The following UBAC2 variants were observed in gnomAD, a reference collection of about 807,000 sequenced individuals.
The protein encoded by UBAC2 is ubiquitin-associated domain-containing protein 2.
Under a neutral mutation model 44.0 loss-of-function variants are expected in UBAC2, and 26 were observed. That is an observed-to-expected ratio of 0.59 (90% CI 0.43 to 0.82). UBAC2 has a LOEUF of 0.82. Among genes scored for constraint, UBAC2 ranks in the 40% least tolerant of loss-of-function variants. The probability of loss-of-function intolerance (pLI) is 0.00; values close to 1 mark genes in which losing one functional copy is unlikely to be tolerated. For synonymous variants in UBAC2, 155 were observed against 154.3 expected (o/e 1.00, Z -0.04); for missense variants, 329 against 419.4 (o/e 0.78, Z 1.88).
chr13:99,298,537 A>C (rs944830373), intron 4 of UBAC2, among the ~76,000 whole-genome samples: 1 of 152,206 alleles, frequency 6.6e-6, no homozygotes, highest in Non-Finnish European at 1.5e-5. Flanking sequence ...TATTTAAAAA[A>C]GGAAAGATTT....
intron 8 of UBAC2, among the ~76,000 whole-genome samples, chr13:99,374,967 G>A (rs1777345139): frequency 6.6e-6 from 1 of 152,242 alleles, no homozygotes; most frequent in Admixed American, 6.5e-5. Flanking sequence ...ATGTGCTAGA[G>A]AGTGGTATTA....
rs754484818 is a variant in UBAC2 at position 99,244,504 on chromosome 13, T to C, written c.280-11T>C. On this transcript the variant is annotated splice_polypyrimidine_tract_variant and intron_variant, in intron 3 of 8. Coordinates refer to ENST00000403766, the MANE Select transcript of UBAC2 (RefSeq NM_001144072.2). ...TCATCTCTATCATTTTTCTGCTGTTTTATTTTGTAGTCCTTTTTGCTGGGT... is the reference window on the plus strand; with the variant it reads ...TCATCTCTATCATTTTTCTGCTGTTCTATTTTGTAGTCCTTTTTGCTGGGT... 3 of 1,593,910 alleles carry C rather than the reference T, an allele frequency of 1.9e-6. No individual in the cohort carries two copies. In the African/African-American group the frequency reaches 4.0e-5, roughly 21 times the overall value.
At chr13:99,238,696 AC>A in intron 2 of UBAC2, 142 bp downstream of exon 2, 1 of 754,752 alleles carries the variant, frequency 1.3e-6, no homozygotes, top group East Asian at 3.2e-5. Flanking sequence ...TCATTAAGTA[AC>A]TTTTCTAGTT....
intron 1 of UBAC2, among the ~76,000 whole-genome samples, chr13:99,214,501 G>A (rs1394186820): frequency 6.6e-6 from 1 of 152,130 alleles, no homozygotes; most frequent in Non-Finnish European, 1.5e-5. Context: ...GTGGGGAGTA[G>A]GTGGTGGTGG....
chr13:99,243,721 A>G, intron 2 of UBAC2, 111 bp from the exon 3 acceptor site: 1 of 950,310 alleles, frequency 1.1e-6, no homozygotes, highest in Non-Finnish European at 1.6e-6. Context: ...GTGCATTATG[A>G]TTTTGTTTAG....
intron 1 of UBAC2, among the ~76,000 whole-genome samples, chr13:99,218,687 A>G (rs973393612): frequency 3.9e-5 from 6 of 152,078 alleles, no homozygotes; most frequent in African/African-American, 1.2e-4. Flanking sequence ...ATTCTCCTCA[A>G]TGCATTAGGG....
Position 99,385,303 on chromosome 13 carries a change from A to G in UBAC2, c.1003A>G (p.Asn335Asp). The change falls in exon 9 of 9, where the codon AAT becomes GAT. Residue 335 changes from asparagine (N) to aspartate (D), a missense_variant. Asn to Asp is a conservative substitution (Grantham distance 23, BLOSUM62 1). Transcript: ENST00000403766. ...CCTGAGAGCTTCAAACAATGACCTC[A>G]ATGTCGCCACCAACTTCCTGCTGCA... ...EALRASNNDL[N>D]VATNFLLQH 6.2e-7 allele frequency: 1 copy of G among 1,614,148 alleles called. No individual in the cohort carries two copies. Among genetic ancestry groups the G allele is most frequent in the Non-Finnish European group, 8.5e-7 (1 of 1,180,012 alleles).
At chr13:99,258,753 A>C (rs990633622) in intron 4 of UBAC2, among the ~76,000 whole-genome samples, 1 of 152,208 alleles carries the variant, frequency 6.6e-6, no homozygotes, top group Non-Finnish European at 1.5e-5. Context: ...ATCCAGTAGG[A>C]TTGTAGGGGC....
chr13:99,212,473 G>T (rs1308649496), intron 1 of UBAC2, among the ~76,000 whole-genome samples: 1 of 152,200 alleles, frequency 6.6e-6, no homozygotes, highest in African/African-American at 2.4e-5. Context: ...GATACAATGG[G>T]AAGAGCATGA....
chr13:99,245,685 A>G (rs1326054522), intron 4 of UBAC2, among the ~76,000 whole-genome samples: 1 of 152,216 alleles, frequency 6.6e-6, no homozygotes, highest in African/African-American at 2.4e-5. Flanking sequence ...TACTAGAAAT[A>G]CAAAAATTAG....
At position 99,332,170 on chromosome 13, in the gene UBAC2, A is replaced by G. The variant is rs144271574; in HGVS notation, c.562-8150A>G. Among the ~76,000 whole-genome samples, 636 of 152,226 alleles carry G rather than the reference A, an allele frequency of 4.2e-3. 6 individuals are homozygous for G. Among genetic ancestry groups the G allele is most frequent in the African/African-American group, 0.014 (602 of 41,522 alleles). ...TTGCCTTGTGGGTTTTTGTTCAGCC[A>G]CAGTTGGCCAAAGAAAGCAATCGAC... On this transcript the variant is annotated intron_variant, in intron 6 of 8. Coordinates refer to ENST00000403766, the MANE Select transcript of UBAC2 (RefSeq NM_001144072.2).
Position 99,247,552 on chromosome 13 carries a change from C to T in UBAC2, c.389+2928C>T, listed in dbSNP as rs191237878. Among the ~76,000 whole-genome samples the T allele has an allele frequency of 4.1e-4, 63 of 151,976 alleles. 2 individuals carry two copies. In the East Asian group the frequency reaches 0.012, roughly 28 times the overall value. On this transcript the variant is annotated intron_variant, in intron 4 of 8. Transcript: ENST00000403766. ...TTTAAATCAATGTACTTCATGGACA[C>T]AGGGAGGGGAACGTCACACACTGGG...
chr13:99,363,775 A>T (rs1341223666), intron 7 of UBAC2, among the ~76,000 whole-genome samples: 1 of 152,258 alleles, frequency 6.6e-6, no homozygotes, highest in African/African-American at 2.4e-5. Flanking sequence ...GAAAATGGAT[A>T]TTGGAAGTGA....
intron 7 of UBAC2, among the ~76,000 whole-genome samples, chr13:99,357,120 T>G (rs1052561388): frequency 1.3e-5 from 2 of 152,234 alleles, no homozygotes; most frequent in African/African-American, 4.8e-5. Flanking sequence ...TTGCTATGTC[T>G]TTTCTATGTT....
intron 1 of UBAC2, among the ~76,000 whole-genome samples, chr13:99,228,674 A>G (rs1483489665): frequency 6.6e-6 from 1 of 152,168 alleles, no homozygotes; most frequent in Non-Finnish European, 1.5e-5. Context: ...AGGTGAGGAA[A>G]ATTGAGGCTG....
intron 1 of UBAC2, among the ~76,000 whole-genome samples, chr13:99,227,714 C>T (rs566177931): frequency 1.3e-5 from 2 of 152,334 alleles, no homozygotes; most frequent in South Asian, 4.1e-4. Flanking sequence ...AACCACAAGG[C>T]TAGGGACTTT....
intron 1 of UBAC2, among the ~76,000 whole-genome samples, chr13:99,213,653 C>T (rs2142661821): frequency 6.6e-6 from 1 of 152,142 alleles, no homozygotes; most frequent in East Asian, 1.9e-4. Flanking sequence ...AGTCACTGCA[C>T]CCGGTCGATT....
rs78016823 is a variant in UBAC2 at position 99,336,171 on chromosome 13, A to G, written c.562-4149A>G. Among the ~76,000 whole-genome samples, 1,232 of 152,130 alleles carry G rather than the reference A, an allele frequency of 8.1e-3. 40 individuals are homozygous for G. Among genetic ancestry groups the G allele is most frequent in the Admixed American group, 0.066 (1,011 of 15,282 alleles). On this transcript the variant is annotated intron_variant, in intron 6 of 8. Coordinates refer to ENST00000403766, the MANE Select transcript of UBAC2 (RefSeq NM_001144072.2). ...TTTTCTCTTCTGAAATTACCTTTTC[A>G]TATGCTTTTAAAACTGGGCTCTTTC...
At chr13:99,201,233 C>T (rs1016534309) in intron 1 of UBAC2, 28 of 1,433,998 alleles carry the variant, frequency 2.0e-5, no homozygotes, top group Middle Eastern at 4.5e-4. Flanking sequence ...GGCAGGTGCC[C>T]TGGTGTTCTC....
Sources: allele counts gnomAD v4.1 joint callset (sites outside exome capture counted in the v4.1 genomes callset), GRCh38; gene constraint gnomAD v4.1.1; transcripts MANE v1.5; gene names NCBI Gene and HGNC (gene_info 2026-07-23, HGNC 2026-07-21).